The following CSNK1G3 variants were observed in gnomAD, a reference collection of about 807,000 sequenced individuals.
The protein encoded by CSNK1G3 is casein kinase I isoform gamma-3.
CSNK1G3 carries 23 observed loss-of-function variants against 64.3 expected under a neutral mutation model. The ratio of observed to expected loss-of-function variants is 0.36; its 90% confidence interval spans 0.26 to 0.51. The LOEUF is 0.51. CSNK1G3 is among the 20% of genes least tolerant of loss of function. The pLI is 0.96. For missense variants in CSNK1G3, 357 were observed against 510.5 expected (o/e 0.70, Z 2.90); for synonymous variants, 158 against 162.2 (o/e 0.97, Z 0.20).
chr5:123,580,204 C>T (rs1222708458), intron 6 of CSNK1G3, among the ~76,000 whole-genome samples: 1 of 151,834 alleles, frequency 6.6e-6, no homozygotes, highest in African/African-American at 2.4e-5. Flanking sequence ...ATTCATTCAC[C>T]CATCTTTCCA....
chr5:123,535,980 C>T (rs1780732019), intron 1 of CSNK1G3, among the ~76,000 whole-genome samples: 1 of 152,012 alleles, frequency 6.6e-6, no homozygotes, highest in African/African-American at 2.4e-5. Flanking sequence ...GCCCCTTGCT[C>T]CTCTAGGGTT....
At position 123,600,240 on chromosome 5, in the gene CSNK1G3, G is replaced by A. The variant is rs774234194; in HGVS notation, c.1087-4484G>A. On this transcript the variant is annotated intron_variant, in intron 10 of 12. Coordinates refer to ENST00000345990, the Ensembl canonical transcript of CSNK1G3. ...TTTTAGTATTTCTAATACATTATTA[G>A]ATGAGAATTTGGCTAATTAAAATAT... 1.2e-3 allele frequency among the ~76,000 whole-genome samples: 186 copies of A among 152,242 alleles called. 2 individuals carry two copies. The highest frequency in any genetic ancestry group is 2.2e-3 in the Non-Finnish European group (153 of 68,016).
chr5:123,593,953 G>A (rs1792926552), intron 10 of CSNK1G3, among the ~76,000 whole-genome samples: 1 of 152,022 alleles, frequency 6.6e-6, no homozygotes. Flanking sequence ...AAAGAAAAGA[G>A]TACTGAAGGC....
At chr5:123,585,495 T>G (rs1791158809) in intron 6 of CSNK1G3, among the ~76,000 whole-genome samples, 2 of 152,168 alleles carry the variant, frequency 1.3e-5, no homozygotes, top group African/African-American at 4.8e-5. Context: ...ATGTAAAATT[T>G]CTTTTAAACA....
At chr5:123,547,735 TTA>T (rs1782817368) in intron 2 of CSNK1G3, among the ~76,000 whole-genome samples, 2 of 152,250 alleles carry the variant, frequency 1.3e-5, no homozygotes, top group South Asian at 4.1e-4. Flanking sequence ...TTTAAATGTA[TTA>T]TCTCTATATA....
At chr5:123,535,978 C>T (rs1313641467) in intron 1 of CSNK1G3, among the ~76,000 whole-genome samples, 1 of 152,048 alleles carries the variant, frequency 6.6e-6, no homozygotes, top group Non-Finnish European at 1.5e-5. Flanking sequence ...CTGCCCCTTG[C>T]TCCTCTAGGG....
chr5:123,612,497 G>GAA (rs1796509831), intron 12 of CSNK1G3, among the ~76,000 whole-genome samples: 3 of 149,082 alleles, frequency 2.0e-5, no homozygotes, highest in African/African-American at 7.4e-5. Context: ...TTTTTTTTTG[G>GAA]AACAGAGTCT....
At chr5:123,593,623 C>T (rs1792858832) in intron 10 of CSNK1G3, among the ~76,000 whole-genome samples, 1 of 151,994 alleles carries the variant, frequency 6.6e-6, no homozygotes, top group African/African-American at 2.4e-5. Context: ...ATTCTTTGAT[C>T]TTGTCTAGAC....
At chr5:123,586,946 G>C (rs908423014) in intron 6 of CSNK1G3, among the ~76,000 whole-genome samples, 1 of 152,150 alleles carries the variant, frequency 6.6e-6, no homozygotes, top group Admixed American at 6.6e-5. Context: ...GGCAAAGAGA[G>C]CTTGTGCAGG....
At chr5:123,562,703 T>C (rs1432104648) in intron 4 of CSNK1G3, among the ~76,000 whole-genome samples, 4 of 152,108 alleles carry the variant, frequency 2.6e-5, no homozygotes, top group Admixed American at 1.3e-4. Context: ...TTAGGTAAAT[T>C]TATTTTCTCA....
At chr5:123,547,652 T>G (rs1387273360) in intron 2 of CSNK1G3, among the ~76,000 whole-genome samples, 1 of 152,162 alleles carries the variant, frequency 6.6e-6, no homozygotes. Context: ...TGTCTGTCTA[T>G]TCTATCTATC....
chr5:123,609,025 T>C (rs972083099), intron 12 of CSNK1G3, among the ~76,000 whole-genome samples: 2 of 152,030 alleles, frequency 1.3e-5, no homozygotes, highest in Non-Finnish European at 1.5e-5. Context: ...GCAAGGGAAA[T>C]GGATAGAAGG....
At chr5:123,599,212 C>G (rs1184808773) in intron 10 of CSNK1G3, among the ~76,000 whole-genome samples, 8 of 152,138 alleles carry the variant, frequency 5.3e-5, no homozygotes, top group Non-Finnish European at 8.8e-5. Flanking sequence ...TGCTGGAAAA[C>G]TATTTTACAT....
intron 10 of CSNK1G3, among the ~76,000 whole-genome samples, chr5:123,604,434 G>A (rs921367996): frequency 1.1e-4 from 17 of 151,958 alleles, no homozygotes; most frequent in Admixed American, 1.1e-3. Context: ...ACATGCAGGA[G>A]TTAGCCTTAA....
intron 1 of CSNK1G3, among the ~76,000 whole-genome samples, chr5:123,520,911 T>A (rs1777985117): frequency 1.3e-5 from 2 of 152,152 alleles, no homozygotes; most frequent in Non-Finnish European, 2.9e-5. Flanking sequence ...TCATGTTTAT[T>A]TTCTATTTCT....
At chr5:123,515,238 A>G (rs1776939292) in intron 1 of CSNK1G3, among the ~76,000 whole-genome samples, 2 of 152,156 alleles carry the variant, frequency 1.3e-5, no homozygotes, top group Admixed American at 1.3e-4. Context: ...TGCTGGGAGT[A>G]GACTTATTCT....
intron 6 of CSNK1G3, among the ~76,000 whole-genome samples, chr5:123,585,370 A>G (rs1032829028): frequency 3.9e-5 from 6 of 152,150 alleles, no homozygotes; most frequent in Non-Finnish European, 7.4e-5. Flanking sequence ...AAATTTCTAG[A>G]AGAAAAAACA....
chr5:123,590,380 T>C, intron 8 of CSNK1G3, 30 bp from the exon 9 acceptor site: 1 of 1,172,810 alleles, frequency 8.5e-7, no homozygotes, highest in Non-Finnish European at 1.2e-6. Flanking sequence ...AAGAAAAGTA[T>C]AGTCCAAATA....
At chr5:123,585,172 C>A (rs186773537) in intron 6 of CSNK1G3, among the ~76,000 whole-genome samples, 1 of 151,546 alleles carries the variant, frequency 6.6e-6, no homozygotes, top group Non-Finnish European at 1.5e-5. Context: ...CATAGATGGC[C>A]GATTGATTTT....
Sources: allele counts gnomAD v4.1 joint callset (sites outside exome capture counted in the v4.1 genomes callset), GRCh38; gene constraint gnomAD v4.1.1; transcripts MANE v1.5; gene names NCBI Gene and HGNC (gene_info 2026-07-23, HGNC 2026-07-21).